FCER1A: variants seen among roughly 807,000 people sequenced by gnomAD.
FCER1A encodes high affinity immunoglobulin epsilon receptor subunit alpha.
In FCER1A, 24 loss-of-function variants were observed where a neutral mutation model predicts 23.6. The ratio of observed to expected loss-of-function variants is 1.02; its 90% CI spans 0.74 to 1.43. The LOEUF (loss-of-function observed/expected upper bound fraction) is 1.43. Among genes scored for constraint, FCER1A ranks in the 40% most tolerant of loss-of-function variants. The pLI is 0.00. For synonymous variants in FCER1A, 121 were observed against 108.8 expected, an observed-to-expected ratio of 1.11 and a Z score of -0.70; for missense variants, 318 against 294.5, an observed-to-expected ratio of 1.08 and a Z score of -0.58.
At chr1:159,285,966 C>T (rs962308815), upstream of FCER1A, among the ~76,000 whole-genome samples, 1 of 152,122 alleles carries the variant, frequency 6.6e-6, no homozygotes, top group African/African-American at 2.4e-5. Flanking sequence ...AGCCGGATCA[C>T]TTGAGATCAG....
chr1:159,295,451 C>T lies in FCER1A; in HGVS notation c.-60+5698C>T, dbSNP rs555139497. 5.3e-5 allele frequency among the ~76,000 whole-genome samples: 8 copies of T among 152,180 alleles called. No individual in the cohort carries two copies. In the South Asian group the frequency reaches 1.7e-3, roughly 32 times the overall value. Reference sequence around the variant, plus strand: ...CATCTGAATGATCCATATTTATATTCATTTATTTATTATCAATGAAAAACG... The same window carrying T: ...CATCTGAATGATCCATATTTATATTTATTTATTTATTATCAATGAAAAACG... On this transcript the variant is annotated intron_variant, in intron 1 of 5. Transcript: ENST00000368115.
chr1:159,290,197 T>G (rs1211659537), intron 1 of FCER1A, among the ~76,000 whole-genome samples: 1 of 152,130 alleles, frequency 6.6e-6, no homozygotes, highest in Non-Finnish European at 1.5e-5. Flanking sequence ...CAGAGCCTCT[T>G]GTTATTAGAG....
intron 1 of FCER1A, among the ~76,000 whole-genome samples, chr1:159,295,775 G>A (rs917768098): frequency 1.3e-5 from 2 of 152,102 alleles, no homozygotes; most frequent in Non-Finnish European, 2.9e-5. Context: ...TCAGAATTTA[G>A]CAGTGGTTTT....
chr1:159,291,723 A>G (rs1197230496), intron 1 of FCER1A, among the ~76,000 whole-genome samples: 2 of 152,068 alleles, frequency 1.3e-5, no homozygotes, highest in African/African-American at 4.8e-5. Flanking sequence ...TTAACCCCAC[A>G]TCTTCCTATA....
chr1:159,299,786 A>G (rs1279365252), upstream of FCER1A, among the ~76,000 whole-genome samples: 1 of 152,028 alleles, frequency 6.6e-6, no homozygotes, highest in Non-Finnish European at 1.5e-5. Context: ...TATATATAAG[A>G]TAAAAAACCT....
chr1:159,302,562 G>C (rs984742029), intron 1 of FCER1A, 143 bp downstream of exon 1: 1 of 735,718 alleles, frequency 1.4e-6, no homozygotes, highest in Non-Finnish European at 2.4e-6. Flanking sequence ...CTGTAGTGGA[G>C]CCAAGCTAGA....
upstream of FCER1A, among the ~76,000 whole-genome samples, chr1:159,288,646 C>T (rs1415790820): frequency 3.9e-5 from 6 of 152,194 alleles, no homozygotes; most frequent in Non-Finnish European, 5.9e-5. Flanking sequence ...ATATTTTAAC[C>T]ATCCACTAAC....
rs1406191367 is a variant in FCER1A, at chr1:159,307,964, G to GT, written c.*39dup. Reference sequence around the variant, plus strand: ...TACTCAAGAAATATTTGCAACATTAGTTTTTTTCCAGCATCAGCAATTGCT... The same window carrying GT: ...TACTCAAGAAATATTTGCAACATTAGTTTTTTTTCCAGCATCAGCAATTGCT... On this transcript the variant is annotated 3_prime_UTR_variant, in exon 5 of 5. Transcript: ENST00000693622. The GT allele has an allele frequency of 2.6e-6, 4 of 1,531,926 alleles. No homozygotes were observed. Among genetic ancestry groups the GT allele is most frequent in the East Asian group, 2.3e-5 (1 of 43,640 alleles). 94.9% of individuals were successfully genotyped at this position (1,531,926 alleles called of 1,614,324 possible). A position where few individuals can be genotyped will look rare whatever the true frequency, so the allele number is the denominator to read the frequency against.
upstream of FCER1A, among the ~76,000 whole-genome samples, chr1:159,300,724 C>T (rs1013426875): frequency 5.9e-5 from 9 of 151,990 alleles, no homozygotes; most frequent in African/African-American, 2.2e-4. Flanking sequence ...ATAAAGAAGA[C>T]AAAAAATGTA....
chr1:159,302,764 A>T (rs1485867559), intron 1 of FCER1A, 90 bp from the exon 2 acceptor site: 3 of 1,165,716 alleles, frequency 2.6e-6, no homozygotes, highest in Non-Finnish European at 3.9e-6. Flanking sequence ...AATTCCATGG[A>T]TGTAGATCTT....
chr1:159,289,425 T>C (rs1170862596), upstream of FCER1A, among the ~76,000 whole-genome samples: 1 of 152,198 alleles, frequency 6.6e-6, no homozygotes, highest in Non-Finnish European at 1.5e-5. Context: ...CTTAGCACAC[T>C]TGTAGTACAA....
chr1:159,299,950 C>T (rs1378761001), upstream of FCER1A, among the ~76,000 whole-genome samples: 8 of 134,592 alleles, frequency 5.9e-5, no homozygotes, highest in African/African-American at 2.0e-4. Flanking sequence ...TTTTTCTTTC[C>T]GATGCTGTTA....
chr1:159,292,799 G>T (rs115122187), intron 1 of FCER1A, among the ~76,000 whole-genome samples: 51 of 152,196 alleles, frequency 3.4e-4, no homozygotes, highest in African/African-American at 1.2e-3. Flanking sequence ...TACAGATTCT[G>T]CCCTCATGAA....
intron 1 of FCER1A, among the ~76,000 whole-genome samples, chr1:159,290,016 T>C (rs908325274): frequency 8.5e-5 from 13 of 152,224 alleles, no homozygotes; most frequent in Non-Finnish European, 1.5e-4. Context: ...CATTATTCAT[T>C]GTTCTTTCTC....
intron 1 of FCER1A, among the ~76,000 whole-genome samples, chr1:159,294,159 G>A (rs1000182507): frequency 1.3e-5 from 2 of 152,192 alleles, no homozygotes; most frequent in African/African-American, 4.8e-5. Context: ...AAGTCAGTGT[G>A]GCCATTCCTC....
At chr1:159,283,876 A>C in the FCER1A span, among the ~76,000 whole-genome samples, 1 of 152,128 alleles carries the variant, frequency 6.6e-6, no homozygotes, top group Non-Finnish European at 1.5e-5. Context: ...CCTTTTGAGA[A>C]TTCCTCCATG....
chr1:159,290,407 C>T (rs1652118565), intron 1 of FCER1A, among the ~76,000 whole-genome samples: 1 of 151,944 alleles, frequency 6.6e-6, no homozygotes, highest in African/African-American at 2.4e-5. Flanking sequence ...TCAGATTCTC[C>T]ATCAGTACCC....
chr1:159,287,436 T>C (rs1031692162), upstream of FCER1A, among the ~76,000 whole-genome samples: 1 of 152,092 alleles, frequency 6.6e-6, no homozygotes, highest in Non-Finnish European at 1.5e-5. Flanking sequence ...CCATCGGTCA[T>C]AAAAGAAAAT....
rs1229240590 is a variant in FCER1A at position 159,306,076 on chromosome 1, G to C, written c.420G>C (p.Val140=). The C allele has an allele frequency of 6.2e-7, 1 of 1,614,168 alleles. No homozygotes were observed. Among genetic ancestry groups the C allele is most frequent in the Admixed American group, 1.7e-5 (1 of 60,024 alleles). The change falls in exon 4 of 5, where the codon GTG becomes GTC. Residue 140 remains valine, a synonymous_variant. Coordinates refer to ENST00000693622, the MANE Select transcript of FCER1A (RefSeq NM_001387280.1). ...LRCHGWRNWD[V]YKVIYYKDGE... Reference sequence around the variant, plus strand: ...GCCATGGTTGGAGGAACTGGGATGTGTACAAGGTGATCTATTATAAGGATG... The same window carrying C: ...GCCATGGTTGGAGGAACTGGGATGTCTACAAGGTGATCTATTATAAGGATG...
Sources: allele counts gnomAD v4.1 joint callset (sites outside exome capture counted in the v4.1 genomes callset), GRCh38; gene constraint gnomAD v4.1.1; transcripts MANE v1.5; gene names NCBI Gene and HGNC (gene_info 2026-07-23, HGNC 2026-07-21).